Variants in ANKRD11 observed in about 807,000 individuals in gnomAD.
ANKRD11 encodes the protein ankyrin repeat domain 11.
A neutral mutation model predicts 195.7 loss-of-function variants in ANKRD11; 17 were observed. The ratio of observed to expected loss-of-function variants is 0.09; its 90% CI spans 0.06 to 0.13. ANKRD11 has a LOEUF of 0.13. Among genes scored for constraint, ANKRD11 ranks in the 10% least tolerant of loss-of-function variants. The probability of loss-of-function intolerance (pLI) is 1.00; values close to 1 mark genes in which losing one functional copy is unlikely to be tolerated. For missense variants in ANKRD11, 3,735 were observed against 3,566.1 expected (o/e 1.05, Z -1.21); for synonymous variants, 1,953 against 1,528.1 (o/e 1.28, Z -6.49).
chr16:89,278,776 G>A (rs1597429480), intron 9 of ANKRD11: 1 of 601,338 alleles, frequency 1.7e-6, no homozygotes, highest in East Asian at 3.5e-5. Flanking sequence ...TGAGCGGCGT[G>A]AAGGGGGAGC....
At chr16:89,268,911 GGCCCGGGGGCC>G (rs2032877639) in intron 12 of ANKRD11, among the ~76,000 whole-genome samples, 1 of 152,202 alleles carries the variant, frequency 6.6e-6, no homozygotes, top group Admixed American at 6.5e-5. Context: ...GGCTCACCCT[GGCCCGGGGGCC>G]CTGCCCTGCT....
At chr16:89,407,300 G>T (rs1445669085) in intron 2 of ANKRD11, among the ~76,000 whole-genome samples, 8 of 152,006 alleles carry the variant, frequency 5.3e-5, no homozygotes, top group Admixed American at 5.2e-4. Flanking sequence ...TAAGGAACAC[G>T]GGGGGAAAAA....
rs1257832454 is a variant in ANKRD11, at chr16:89,280,939, G to T, written c.5603C>A (p.Pro1868Gln). The T allele has an allele frequency of 3.8e-6, 6 of 1,589,240 alleles. No individual in the cohort carries two copies. Among genetic ancestry groups the T allele is most frequent in the Non-Finnish European group, 5.2e-6 (6 of 1,164,866 alleles). Residue 1868 changes from proline to glutamine, a missense_variant, in exon 9 of 13, where the codon CCA becomes CAA. Transcript: ENST00000301030. ...PSPKVDALHC[P>Q]PAAVVTVTPS... ...GGTGACAGTGACAACGGCAGCCGGT[G>T]GGCAGTGCAAAGCGTCGACTTTGGG...
chr16:89,319,322 C>G (rs900322952), intron 2 of ANKRD11, among the ~76,000 whole-genome samples: 3 of 152,218 alleles, frequency 2.0e-5, no homozygotes, highest in African/African-American at 7.2e-5. Context: ...GGTGCTTTGC[C>G]CAGGCACCTT....
At position 89,283,491 on chromosome 16, in the gene ANKRD11, C is replaced by T. The variant is rs761659601; in HGVS notation, c.3051G>A (p.Lys1017=). The T allele has an allele frequency of 1.9e-6, 3 of 1,613,990 alleles. No individual in the cohort carries two copies. Among genetic ancestry groups the T allele is most frequent in the South Asian group, 2.2e-5 (2 of 91,074 alleles). ...REKEKKDGPD[K]ERKEKTKPER... is the part of the protein sequence containing the mutation. ...CTGGTTTTGTCTTCTCCTTCCTTTCCTTATCGGGGCCATCCTTCTTCTCCT... is the reference window on the plus strand; with the variant it reads ...CTGGTTTTGTCTTCTCCTTCCTTTCTTTATCGGGGCCATCCTTCTTCTCCT... Residue 1017 remains lysine (K), a synonymous_variant, in exon 9 of 13, where the codon AAG becomes AAA. Transcript: ENST00000301030. The surrounding 1 kb of genome is among the most constrained non-coding windows in gnomAD (Gnocchi z 4.3).
rs139336512 is a variant in ANKRD11, at chr16:89,359,972, G to A, written c.-59-42894C>T. On this transcript the variant is annotated intron_variant, in intron 2 of 12. Coordinates refer to ENST00000301030, the MANE Select transcript of ANKRD11 (RefSeq NM_013275.6). ...GTAAACACATGTCGGCAGTGGGCGG[G>A]GGGGGAGGTTGTACGTGTTATTCTA... 1.0e-2 allele frequency among the ~76,000 whole-genome samples: 1,519 copies of A among 152,120 alleles called. 37 individuals are homozygous for A. The highest frequency in any genetic ancestry group is 0.034 in the African/African-American group (1,414 of 41,454).
chr16:89,390,587 C>T (rs904812836), intron 2 of ANKRD11, among the ~76,000 whole-genome samples: 4 of 152,088 alleles, frequency 2.6e-5, no homozygotes, highest in Admixed American at 6.5e-5. Context: ...GAGAACCTGA[C>T]CAAGGCACAT....
chr16:89,346,109 C>CGAG (rs2038925593), intron 2 of ANKRD11, among the ~76,000 whole-genome samples: 3 of 151,718 alleles, frequency 2.0e-5, no homozygotes, highest in African/African-American at 4.8e-5. Context: ...ATTAGCCGGG[C>CGAG]GTGGTGCCGG....
chr16:89,488,343 A>T (rs978344479), intron 1 of ANKRD11, among the ~76,000 whole-genome samples: 1 of 152,018 alleles, frequency 6.6e-6, no homozygotes, highest in African/African-American at 2.4e-5. Context: ...GAAACTACAG[A>T]AAGAGGAGAA....
chr16:89,438,145 G>A (rs139203617), intron 1 of ANKRD11, among the ~76,000 whole-genome samples: 198 of 152,322 alleles, frequency 1.3e-3, no homozygotes, highest in African/African-American at 4.4e-3. Context: ...AACCGCGTGC[G>A]CAGCCCAGGA....
At chr16:89,305,103 G>GT (rs1383418336) in intron 4 of ANKRD11, 103 bp downstream of exon 4, 15 of 1,519,790 alleles carry the variant, frequency 9.9e-6, no homozygotes, top group African/African-American at 2.7e-5. Context: ...GCTAGAGTGC[G>GT]TCCCAGTGCA....
chr16:89,452,656 A>C (rs1432172203), intron 1 of ANKRD11, among the ~76,000 whole-genome samples: 2 of 151,846 alleles, frequency 1.3e-5, no homozygotes, highest in Admixed American at 6.6e-5. Context: ...GGGAGCCTGT[A>C]ATCTCAGCTC....
chr16:89,327,039 G>GAATGCAGAGGTGGGA (rs1567652762), intron 2 of ANKRD11, among the ~76,000 whole-genome samples: 106 of 44,236 alleles, frequency 2.4e-3, no homozygotes, highest in African/African-American at 8.6e-3. Context: ...CAGAGGTGGG[G>GAATGCAGAGGTGGGA]AATGCAGAGG....
chr16:89,480,966 A>G (rs2152372803), intron 1 of ANKRD11, among the ~76,000 whole-genome samples: 1 of 152,178 alleles, frequency 6.6e-6, no homozygotes, highest in East Asian at 1.9e-4. Context: ...ACATCTGTCA[A>G]ATGTCCCCAG....
chr16:89,329,730 A>G (rs1454119273), intron 2 of ANKRD11, among the ~76,000 whole-genome samples: 2 of 152,220 alleles, frequency 1.3e-5, no homozygotes, highest in Non-Finnish European at 2.9e-5. Context: ...AACATTAAAT[A>G]TAAAATGAGA....
At chr16:89,395,449 C>T (rs541807998) in intron 2 of ANKRD11, among the ~76,000 whole-genome samples, 1 of 152,346 alleles carries the variant, frequency 6.6e-6, no homozygotes, top group East Asian at 1.9e-4. Context: ...GGGATGCCAG[C>T]CCACGGCTGG....
rs370067112 is a variant in ANKRD11 at position 89,362,142 on chromosome 16, A to G, written c.-59-45064T>C. Among the ~76,000 whole-genome samples, 10 of 152,402 alleles carry G rather than the reference A, an allele frequency of 6.6e-5. No homozygotes were observed. The East Asian group carries it at 1.9e-3, about 29-fold the overall frequency. On this transcript the variant is annotated intron_variant, in intron 2 of 12. Transcript: ENST00000301030. Reference sequence around the variant, plus strand: ...TTTACCCAATCTGACATGTGGCTTAACAAATGTGAGTGGATTAGGGGATTT... The same window carrying G: ...TTTACCCAATCTGACATGTGGCTTAGCAAATGTGAGTGGATTAGGGGATTT...
At chr16:89,316,830 G>A in intron 3 of ANKRD11, 103 bp downstream of exon 3, 1 of 1,380,892 alleles carries the variant, frequency 7.2e-7, no homozygotes, top group Non-Finnish European at 1.0e-6. Context: ...ACGAGGAAAG[G>A]GCCGGAGGGC....
At chr16:89,321,933 G>A (rs987963361) in intron 2 of ANKRD11, among the ~76,000 whole-genome samples, 6 of 152,074 alleles carry the variant, frequency 3.9e-5, no homozygotes, top group Non-Finnish European at 5.9e-5. Context: ...GTGGAGACCC[G>A]CTGCTGCTGC....
Sources: gnomAD v4.1 joint callset for allele counts (sites outside exome capture counted in the v4.1 genomes callset) on GRCh38, gnomAD v4.1.1 for gene constraint, Gnocchi (gnomAD v3.1) non-coding constraint, MANE v1.5 for transcripts, NCBI Gene and HGNC (gene_info 2026-07-23, HGNC 2026-07-21) for gene names.